Variants in SPIRE1 observed in about 807,000 individuals in gnomAD.
The protein encoded by SPIRE1 is spire type actin nucleation factor 1, also known as protein spire homolog 1.
Under a neutral mutation model 94.1 loss-of-function variants are expected in SPIRE1, and 40 were observed. The observed-to-expected ratio is 0.43, with a 90% CI of 0.33 to 0.55. The LOEUF (loss-of-function observed/expected upper bound fraction) is 0.55. Among genes scored for constraint, SPIRE1 ranks in the 20% least tolerant of loss-of-function variants. SPIRE1 has a pLI of 0.06. For synonymous variants in SPIRE1, 376 were observed against 371.7 expected, an observed-to-expected ratio of 1.01 and a Z score of -0.13; for missense variants, 838 against 975.2, an observed-to-expected ratio of 0.86 and a Z score of 1.87.
chr18:12,504,600 T>C (rs917109388), intron 6 of SPIRE1, among the ~76,000 whole-genome samples: 6 of 152,188 alleles, frequency 3.9e-5, no homozygotes, highest in Non-Finnish European at 8.8e-5. Context: ...GTGGATAGAA[T>C]TCATTAATCC....
At chr18:12,470,246 C>G (rs553936572) in intron 10 of SPIRE1, among the ~76,000 whole-genome samples, 1 of 152,094 alleles carries the variant, frequency 6.6e-6, no homozygotes, top group African/African-American at 2.4e-5. Flanking sequence ...ATACTGGCCA[C>G]CATGTGTGGC....
At chr18:12,562,569 T>C (rs988534300) in intron 2 of SPIRE1, among the ~76,000 whole-genome samples, 1 of 152,134 alleles carries the variant, frequency 6.6e-6, no homozygotes, top group African/African-American at 2.4e-5. Context: ...ACATGTACGA[T>C]GGTAGTCTGC....
At chr18:12,517,462 A>G (rs1256875875) in intron 4 of SPIRE1, among the ~76,000 whole-genome samples, 1 of 152,250 alleles carries the variant, frequency 6.6e-6, no homozygotes, top group Non-Finnish European at 1.5e-5. Flanking sequence ...CAAATGAGTT[A>G]TTTGAAAGTA....
At chr18:12,539,926 TAAA>T (rs71172096) in intron 3 of SPIRE1, among the ~76,000 whole-genome samples, 4 of 120,208 alleles carry the variant, frequency 3.3e-5, no homozygotes, top group Admixed American at 8.5e-5. Context: ...GACTCTGTCT[TAAA>T]AAAAAAAAAA....
chr18:12,450,011 A>G (rs2031150170), intron 16 of SPIRE1, 115 bp from the exon 17 acceptor site: 4 of 1,084,692 alleles, frequency 3.7e-6, no homozygotes, highest in Non-Finnish European at 5.2e-6. Flanking sequence ...GGAATGGATG[A>G]GTGATTTAAT....
intron 8 of SPIRE1, among the ~76,000 whole-genome samples, chr18:12,492,317 G>A (rs2033263130): frequency 6.6e-6 from 1 of 152,138 alleles, no homozygotes; most frequent in Non-Finnish European, 1.5e-5. Context: ...TTTCGTAAAG[G>A]CAGTTTCTCT....
intron 4 of SPIRE1, among the ~76,000 whole-genome samples, chr18:12,515,790 T>C (rs1307175409): frequency 6.6e-6 from 1 of 152,156 alleles, no homozygotes; most frequent in Non-Finnish European, 1.5e-5. Flanking sequence ...TCAGGCCTCC[T>C]TGCTTCAATT....
At chr18:12,561,965 C>T (rs966930002) in intron 2 of SPIRE1, among the ~76,000 whole-genome samples, 5 of 152,110 alleles carry the variant, frequency 3.3e-5, no homozygotes, top group African/African-American at 1.2e-4. Flanking sequence ...AAGGGCTGTA[C>T]AATAGTACTA....
At chr18:12,451,590 C>T (rs1280542350) in intron 16 of SPIRE1, among the ~76,000 whole-genome samples, 2 of 152,178 alleles carry the variant, frequency 1.3e-5, no homozygotes, top group Non-Finnish European at 2.9e-5. Context: ...ACGTTTCAGG[C>T]ACAAGGTTCA....
chr18:12,521,036 G>A (rs536651854), intron 4 of SPIRE1, among the ~76,000 whole-genome samples: 82 of 152,182 alleles, frequency 5.4e-4, no homozygotes, highest in African/African-American at 1.8e-3. Context: ...ACTTACATTT[G>A]ATTTTTCAAC....
intron 2 of SPIRE1, among the ~76,000 whole-genome samples, chr18:12,583,606 A>C (rs1459487748): frequency 6.6e-6 from 1 of 151,722 alleles, no homozygotes; most frequent in Admixed American, 6.6e-5. Flanking sequence ...GTCTCCAAAA[A>C]AGAAGAAGAA....
At chr18:12,644,191 T>A (rs1598577726) in intron 1 of SPIRE1, among the ~76,000 whole-genome samples, 1 of 96,110 alleles carries the variant, frequency 1.0e-5, no homozygotes, top group Non-Finnish European at 2.1e-5. Context: ...AGAGGGAAAC[T>A]CCATCTCAAA....
chr18:12,601,782 T>C (rs552720577), intron 2 of SPIRE1, among the ~76,000 whole-genome samples: 2 of 152,312 alleles, frequency 1.3e-5, no homozygotes, highest in African/African-American at 2.4e-5. Flanking sequence ...GGTTCCTCCA[T>C]GTGGCTATAT....
chr18:12,491,928 G>A (rs989826388), intron 8 of SPIRE1, among the ~76,000 whole-genome samples: 1 of 152,198 alleles, frequency 6.6e-6, no homozygotes, highest in South Asian at 2.1e-4. Context: ...GTTGGCCATC[G>A]GGTAAGAGTC....
At chr18:12,533,970 A>AC (rs1567914917) in intron 4 of SPIRE1, among the ~76,000 whole-genome samples, 5 of 117,446 alleles carry the variant, frequency 4.3e-5, no homozygotes, top group East Asian at 4.9e-4. Context: ...CACACACACA[A>AC]CTTATTTATT....
chr18:12,494,524 T>TAAA (rs1435481752), intron 7 of SPIRE1, among the ~76,000 whole-genome samples: 1 of 151,282 alleles, frequency 6.6e-6, no homozygotes, highest in Non-Finnish European at 1.5e-5. Flanking sequence ...ATCTTCAGAG[T>TAAA]AAAAAGCTCA....
In SPIRE1 at chr18:12,577,755, A is replaced by G. The variant is rs185630280; in HGVS notation, c.373-30851T>C. 1.1e-4 allele frequency among the ~76,000 whole-genome samples: 16 copies of G among 152,356 alleles called. 1 individual carries two copies. The highest frequency in any genetic ancestry group is 1.0e-3 in the Admixed American group (16 of 15,300). The stretch of plus-strand genomic sequence containing the variant: ...TTGCTCTTCAAAAGACAACAATAAC[A>G]ATAAAAAGACAAGTCCCATGCTGGG... On this transcript the variant is annotated intron_variant, in intron 2 of 16. Transcript: ENST00000409402.
At chr18:12,515,078 A>G (rs2034158375) in intron 4 of SPIRE1, among the ~76,000 whole-genome samples, 1 of 152,176 alleles carries the variant, frequency 6.6e-6, no homozygotes, top group African/African-American at 2.4e-5. Context: ...TCTTTCTGCC[A>G]TATTCTCCCT....
intron 2 of SPIRE1, among the ~76,000 whole-genome samples, chr18:12,617,738 T>C (rs1354476428): frequency 1.3e-5 from 2 of 151,958 alleles, no homozygotes; most frequent in Admixed American, 1.3e-4. Context: ...ATACTTTTAG[T>C]AGAGACGAGG....
Sources: allele counts gnomAD v4.1 joint callset (sites outside exome capture counted in the v4.1 genomes callset), GRCh38; gene constraint gnomAD v4.1.1; transcripts MANE v1.5; gene names NCBI Gene and HGNC (gene_info 2026-07-23, HGNC 2026-07-21).